FTSJ1: variants seen among roughly 807,000 people sequenced by gnomAD.
FTSJ1 encodes tRNA (cytidine(32)/guanosine(34)-2'-O)-methyltransferase.
A neutral mutation model predicts 28.5 loss-of-function variants in FTSJ1; 3 were observed. The observed-to-expected ratio is 0.11, with a 90% CI of 0.05 to 0.27. FTSJ1 has a LOEUF of 0.27. Ranked by LOEUF, FTSJ1 falls within the 10% of genes least tolerant of loss-of-function variation. FTSJ1 has a pLI of 1.00. For missense variants in FTSJ1, 162 were observed against 279.0 expected (o/e 0.58, Z 2.99); for synonymous variants, 104 against 113.9 (o/e 0.91, Z 0.55).
chrX:48,483,626 C>A (rs1436908193), intron 12 of FTSJ1, among the ~76,000 whole-genome samples: 1 of 110,695 alleles, frequency 9.0e-6, no homozygotes, highest in Non-Finnish European at 1.9e-5. Context: ...GCTGGGACTA[C>A]AGGCATGTAC....
chrX:48,480,448 G>A (rs1256738282), intron 5 of FTSJ1, among the ~76,000 whole-genome samples: 3 of 110,325 alleles, frequency 2.7e-5, no homozygotes, highest in East Asian at 5.8e-4. Context: ...GGTAACATCA[G>A]AGAGGTAACA....
Position 48,484,575 on chromosome X carries a change from C to T in FTSJ1, c.*10-1161C>T, listed in dbSNP as rs188181871. Among the ~76,000 whole-genome samples the T allele has an allele frequency of 2.9e-4, 32 of 108,744 alleles. No homozygotes were observed. In the East Asian group the frequency reaches 7.9e-3, roughly 27 times the overall value. The allele number at this position is 108,744 out of a possible 115,157, so 94.4% of individuals were successfully genotyped here. On this transcript the variant is annotated intron_variant, in intron 12 of 12. Transcript: ENST00000348411. ...CTAATTTTTGTATTTTTAGTAGAGACGGGGTTTCACCATGTTGGCCAGGCT... is the reference window on the plus strand; with the variant it reads ...CTAATTTTTGTATTTTTAGTAGAGATGGGGTTTCACCATGTTGGCCAGGCT...
At chrX:48,477,307 A>G (rs782400095) in intron 1 of FTSJ1, among the ~76,000 whole-genome samples, 14 of 111,168 alleles carry the variant, frequency 1.3e-4, no homozygotes, top group African/African-American at 4.6e-4. Flanking sequence ...GCTGTGATCT[A>G]TGAAGGGTCT....
intron 1 of FTSJ1, 49 bp from the exon 2 acceptor site, chrX:48,477,912 T>G: frequency 1.1e-6 from 1 of 937,008 alleles, no homozygotes; most frequent in Non-Finnish European, 1.5e-6. Flanking sequence ...AGCTGTCATG[T>G]GGGTCAGATG....
In FTSJ1 at chrX:48,482,941, A is replaced by G. The variant is rs781974063; in HGVS notation, c.958-45A>G. ...GGTAAAGCCAAGCATAATGAATGGA[A>G]AAGTTTCGCCAAATATGTGAGTCAC... On this transcript the variant is annotated intron_variant, in intron 11 of 12. Coordinates refer to ENST00000348411, the MANE Select transcript of FTSJ1 (RefSeq NM_012280.4). 10 of 1,209,665 alleles carry G rather than the reference A, an allele frequency of 8.3e-6. No homozygotes were observed. The East Asian group carries it at 3.0e-4, about 36-fold the overall frequency.
chrX:48,477,850 A>G, intron 1 of FTSJ1, 111 bp from the exon 2 acceptor site: 1 of 527,253 alleles, frequency 1.9e-6, no homozygotes, highest in South Asian at 2.9e-5. Context: ...TTCAGGCCCT[A>G]TAAGGTCAGT....
intron 12 of FTSJ1, among the ~76,000 whole-genome samples, chrX:48,484,724 A>G (rs1382854090): frequency 2.7e-5 from 3 of 112,070 alleles, no homozygotes; most frequent in African/African-American, 9.7e-5. Flanking sequence ...GAAACAGCAA[A>G]TCATTGTGTG....
chrX:48,476,850 A>G (rs149307977), intron 1 of FTSJ1, among the ~76,000 whole-genome samples: 3 of 111,270 alleles, frequency 2.7e-5, no homozygotes, highest in African/African-American at 9.8e-5. Flanking sequence ...ATAACGAGTG[A>G]TGGATGGGAA....
Position 48,486,152 on chromosome X carries a change from G to C in FTSJ1, c.*426G>C, listed in dbSNP as rs1261291416. On this transcript the variant is annotated 3_prime_UTR_variant, in exon 13 of 13. Coordinates refer to ENST00000348411, the MANE Select transcript of FTSJ1 (RefSeq NM_012280.4). ...TCACAGTAGTAAAAGCAGTACCTGG[G>C]ATTTTCCCACCAATACAAACCAGTT... 1 of 112,080 alleles carries C rather than the reference G, an allele frequency of 8.9e-6. No individual in the cohort carries two copies. Among genetic ancestry groups the C allele is most frequent in the African/African-American group, 3.2e-5 (1 of 30,823 alleles). The allele number at this position is 112,080 out of a possible 1,213,427, so 9.2% of individuals were successfully genotyped here. A position where few individuals can be genotyped will look rare whatever the true frequency, so the allele number is the denominator to read the frequency against.
At chrX:48,480,804 A>G (rs1158173031) in intron 5 of FTSJ1, among the ~76,000 whole-genome samples, 1 of 111,169 alleles carries the variant, frequency 9.0e-6, no homozygotes, top group Non-Finnish European at 1.9e-5. Context: ...AGCTCAGATG[A>G]GATGGGGAGG....
chrX:48,479,714 A>G (rs782716260), intron 5 of FTSJ1, among the ~76,000 whole-genome samples: 1 of 112,026 alleles, frequency 8.9e-6, no homozygotes, highest in South Asian at 3.7e-4. Context: ...ATGGTGATGC[A>G]TGCCCATAGT....
rs1298549875 is a variant in FTSJ1 at position 48,485,839 on chromosome X, A to G, written c.*113A>G. 8.9e-6 allele frequency: 1 copy of G among 112,585 alleles called. No individual in the cohort carries two copies. Among genetic ancestry groups the G allele is most frequent in the Non-Finnish European group, 1.9e-5 (1 of 53,383 alleles). The allele number at this position is 112,585 out of a possible 1,213,427, so 9.3% of individuals were successfully genotyped here. ...CATCTCATCAACGAGGCCTGGACAA[A>G]CAAGCCCTGAGGAGGGATCTGCAAC... is the stretch of plus-strand genomic sequence containing the variant. On this transcript the variant is annotated 3_prime_UTR_variant, in exon 13 of 13. Coordinates refer to ENST00000348411, the MANE Select transcript of FTSJ1 (RefSeq NM_012280.4).
chrX:48,476,935 A>C (rs1556966467), intron 1 of FTSJ1, among the ~76,000 whole-genome samples: 1 of 110,464 alleles, frequency 9.1e-6, no homozygotes. Flanking sequence ...CGTAATGGCA[A>C]GGATGATGGT....
chrX:48,480,822 G>T (rs1219267313), intron 5 of FTSJ1, among the ~76,000 whole-genome samples: 2 of 111,322 alleles, frequency 1.8e-5, no homozygotes, highest in Non-Finnish European at 3.8e-5. Context: ...AGGATGGTGG[G>T]AGGAGCAGGT....
chrX:48,484,526 G>A (rs2061590314), intron 12 of FTSJ1, among the ~76,000 whole-genome samples: 1 of 110,882 alleles, frequency 9.0e-6, no homozygotes, highest in South Asian at 3.8e-4. Context: ...TGGGATTACA[G>A]ACGTGTGCTC....
At chrX:48,479,659 C>G (rs782327241) in intron 5 of FTSJ1, among the ~76,000 whole-genome samples, 69 of 112,054 alleles carry the variant, frequency 6.2e-4, no homozygotes, top group Non-Finnish European at 7.3e-4. Flanking sequence ...AGTTTGAGAC[C>G]AGCCTTGCAA....
rs2061550437 is a variant in FTSJ1, at chrX:48,478,847, C to G, written c.282+140C>G. The G allele has an allele frequency of 9.2e-6, 5 of 546,046 alleles. No individual in the cohort carries two copies. In the East Asian group the frequency reaches 1.8e-4, roughly 19 times the overall value. The allele number at this position is 546,046 out of a possible 1,213,427, so 45.0% of individuals were successfully genotyped here. A position where few individuals can be genotyped will look rare whatever the true frequency, so the allele number is the denominator to read the frequency against. ...GAGAGAGTAACCATGGAGAAACAGT[C>G]AGCAGGTCATCATTGCACAGACACA... is the stretch of plus-strand genomic sequence containing the variant. On this transcript the variant is annotated intron_variant, in intron 4 of 12. Coordinates refer to ENST00000348411, the MANE Select transcript of FTSJ1 (RefSeq NM_012280.4).
In FTSJ1 at chrX:48,478,605, T is replaced by C. The variant is rs1316037548; in HGVS notation, c.192-12T>C. ...AGCGAAACTAGGCTGATGTGGGCCA[T>C]GTTGTCCACAGGGGCCAAGGGTCCG... is the stretch of plus-strand genomic sequence containing the variant. On this transcript the variant is annotated splice_polypyrimidine_tract_variant and intron_variant, in intron 3 of 12. Coordinates refer to ENST00000348411, the MANE Select transcript of FTSJ1 (RefSeq NM_012280.4). The C allele has an allele frequency of 3.2e-5, 38 of 1,200,960 alleles. No homozygotes were observed. In the Admixed American group the frequency reaches 8.1e-4, roughly 26 times the overall value.
rs1436369283 is a variant in FTSJ1, at chrX:48,485,059, C to T, written c.*10-677C>T. ...CTGTAATCCCAGCACTTTGGGAGGC[C>T]GAGGTGGGTGGATCACCTGAGGTCA... On this transcript the variant is annotated intron_variant, in intron 12 of 12. Transcript: ENST00000348411. Among the ~76,000 whole-genome samples, 3 of 111,308 alleles carry T rather than the reference C, an allele frequency of 2.7e-5. No homozygotes were observed. The East Asian group carries it at 8.5e-4, about 32-fold the overall frequency.
Sources: gnomAD v4.1 joint callset for allele counts (sites outside exome capture counted in the v4.1 genomes callset) on GRCh38, gnomAD v4.1.1 for gene constraint, MANE v1.5 for transcripts, NCBI Gene and HGNC (gene_info 2026-07-23, HGNC 2026-07-21) for gene names.